The following DNAJC11 variants were observed in gnomAD, a reference collection of about 807,000 sequenced individuals.
DNAJC11 encodes DnaJ heat shock protein family (Hsp40) member C11, also known as dnaJ homolog subfamily C member 11.
Under a neutral mutation model 78.6 loss-of-function variants are expected in DNAJC11, and 15 were observed. The observed-to-expected ratio is 0.19, with a 90% CI of 0.13 to 0.29. The LOEUF (loss-of-function observed/expected upper bound fraction) is 0.29, where lower values mean the gene tolerates loss of function less well. Ranked by LOEUF, DNAJC11 falls within the 10% of genes least tolerant of loss-of-function variation. The pLI is 1.00. For missense variants in DNAJC11, 547 were observed against 709.6 expected (o/e 0.77, Z 2.60); for synonymous variants, 292 against 272.1 (o/e 1.07, Z -0.72).
Position 6,660,203 on chromosome 1 carries a change from C to T in DNAJC11, c.379-6164G>A, listed in dbSNP as rs1301774202. Among the ~76,000 whole-genome samples, 6 of 149,958 alleles carry T rather than the reference C, an allele frequency of 4.0e-5. No homozygotes were observed. The East Asian group carries it at 1.2e-3, about 30-fold the overall frequency. Reference sequence around the variant, plus strand: ...ACAGAATCTCACTCTGTTGCCCAGGCTGGAGTGCAGTGGCGAGATCTCAGC... The same window carrying T: ...ACAGAATCTCACTCTGTTGCCCAGGTTGGAGTGCAGTGGCGAGATCTCAGC... On this transcript the variant is annotated intron_variant, in intron 4 of 15. Coordinates refer to ENST00000377577, the MANE Select transcript of DNAJC11 (RefSeq NM_018198.4).
At chr1:6,637,787 G>C in intron 12 of DNAJC11, 2 of 536,950 alleles carry the variant, frequency 3.7e-6, no homozygotes, top group South Asian at 4.7e-5. Context: ...ATTAATGCGT[G>C]GGTGGGATTT....
At chr1:6,689,185 CAACA>C (rs1007405799) in intron 1 of DNAJC11, among the ~76,000 whole-genome samples, 3 of 152,156 alleles carry the variant, frequency 2.0e-5, no homozygotes, top group African/African-American at 2.4e-5. Flanking sequence ...CTGAAACAGA[CAACA>C]AACAAACAAA....
intron 7 of DNAJC11, among the ~76,000 whole-genome samples, chr1:6,647,992 C>T (rs372624429): frequency 6.8e-4 from 104 of 152,302 alleles, no homozygotes; most frequent in Non-Finnish European, 1.1e-3. Context: ...ACCCCAAACT[C>T]TTGGTGACCA....
At chr1:6,682,555 C>G (rs941761559) in intron 1 of DNAJC11, among the ~76,000 whole-genome samples, 2 of 152,154 alleles carry the variant, frequency 1.3e-5, no homozygotes, top group African/African-American at 4.8e-5. Flanking sequence ...CTCAGGCCAG[C>G]TTCATCTGAG....
chr1:6,637,799 T>G, intron 12 of DNAJC11: 1 of 519,306 alleles, frequency 1.9e-6, no homozygotes, highest in Non-Finnish European at 3.4e-6. Context: ...GTGGGATTTG[T>G]TGACCCAATA....
In DNAJC11 at chr1:6,635,028, T is replaced by A; in HGVS notation, c.*647A>T. 2.8e-6 allele frequency: 1 copy of A among 354,300 alleles called. No homozygotes were observed. The highest frequency in any genetic ancestry group is 4.7e-6 in the Non-Finnish European group (1 of 213,504). The allele number at this position is 354,300 out of a possible 1,614,324, so 21.9% of individuals were successfully genotyped here. On this transcript the variant is annotated 3_prime_UTR_variant, in exon 16 of 16. Transcript: ENST00000377577. ...TAGGCCCTGGGATCGGGAGTTACAC[T>A]ACCCTGTCCCAAGCCGAGGGGGCCG... is the stretch of plus-strand genomic sequence containing the variant.
chr1:6,700,561 T>A (rs1413635214), intron 1 of DNAJC11, among the ~76,000 whole-genome samples: 3 of 152,200 alleles, frequency 2.0e-5, no homozygotes, highest in Non-Finnish European at 4.4e-5. Flanking sequence ...AGTGTGACTT[T>A]AGACACACTA....
At chr1:6,685,463 C>T (rs887332864) in intron 1 of DNAJC11, among the ~76,000 whole-genome samples, 2 of 152,176 alleles carry the variant, frequency 1.3e-5, no homozygotes, top group Admixed American at 1.3e-4. Context: ...TCCTGACATA[C>T]CTAAATTTAA....
At position 6,651,546 on chromosome 1, in the gene DNAJC11, A is replaced by G; in HGVS notation, c.687T>C (p.Arg229=). 1 of 1,614,098 alleles carries G rather than the reference A, an allele frequency of 6.2e-7. No individual in the cohort carries two copies. Among genetic ancestry groups the G allele is most frequent in the Non-Finnish European group, 8.5e-7 (1 of 1,179,954 alleles). The part of the protein sequence containing the change: ...QGPLFGLKLF[R]NLTPRCFVTT... ...ATATTTACCATCTTGGTGTGAGATT[A>G]CGGAACAGCTTGAGACCGAACAAAG... The change falls in exon 7 of 16, where the codon CGT becomes CGC. Residue 229 remains arginine (R), a synonymous_variant. Coordinates refer to ENST00000377577, the MANE Select transcript of DNAJC11 (RefSeq NM_018198.4).
intron 1 of DNAJC11, among the ~76,000 whole-genome samples, chr1:6,681,516 A>G (rs1642552200): frequency 6.6e-6 from 1 of 152,246 alleles, no homozygotes; most frequent in East Asian, 1.9e-4. Flanking sequence ...GTGCACTCGA[A>G]TGCAACCTCT....
rs1264530986 is a variant in DNAJC11 at position 6,634,518 on chromosome 1, CAGCT to C, written c.*1153_*1156del. On this transcript the variant is annotated 3_prime_UTR_variant, in exon 16 of 16. Transcript: ENST00000377577. ...CGGCGCAGCTTGGGGCCCCCCGCGC[CAGCT>C]GTCTCAGCCACCACCTGTGCGGCGC... is the stretch of plus-strand genomic sequence containing the variant. 1 of 1,357,674 alleles carries C rather than the reference CAGCT, an allele frequency of 7.4e-7. No homozygotes were observed. Among genetic ancestry groups the C allele is most frequent in the South Asian group, 1.2e-5 (1 of 86,206 alleles). The allele number at this position is 1,357,674 out of a possible 1,614,324, so 84.1% of individuals were successfully genotyped here. A position where few individuals can be genotyped will look rare whatever the true frequency, so the allele number is the denominator to read the frequency against.
At chr1:6,658,953 T>A (rs1446595902) in intron 4 of DNAJC11, among the ~76,000 whole-genome samples, 3 of 152,228 alleles carry the variant, frequency 2.0e-5, no homozygotes, top group Non-Finnish European at 4.4e-5. Context: ...GCACTGGCTC[T>A]GCAAATAGTC....
chr1:6,645,657 G>T lies in DNAJC11; in HGVS notation c.894+132C>A. The T allele has an allele frequency of 9.8e-7, 1 of 1,022,900 alleles. No individual in the cohort carries two copies. Among genetic ancestry groups the T allele is most frequent in the Non-Finnish European group, 1.4e-6 (1 of 699,710 alleles). The allele number at this position is 1,022,900 out of a possible 1,614,324, so 63.4% of individuals were successfully genotyped here. A position where few individuals can be genotyped will look rare whatever the true frequency, so the allele number is the denominator to read the frequency against. On this transcript the variant is annotated intron_variant, in intron 8 of 15. Coordinates refer to ENST00000377577, the MANE Select transcript of DNAJC11 (RefSeq NM_018198.4). The surrounding 1 kb of genome is among the most constrained non-coding windows in gnomAD (Gnocchi z 4.1). Reference sequence around the variant, plus strand: ...ACTCGAGTGTGAGCACCGAGAGCCTGCCCCTCAGGGCCCTGTATGGGCTTA... The same window carrying T: ...ACTCGAGTGTGAGCACCGAGAGCCTTCCCCTCAGGGCCCTGTATGGGCTTA...
At chr1:6,685,905 CA>C (rs1245136802) in intron 1 of DNAJC11, among the ~76,000 whole-genome samples, 1 of 152,154 alleles carries the variant, frequency 6.6e-6, no homozygotes, top group East Asian at 1.9e-4. Context: ...GGTATAAATA[CA>C]AGAGTTTAAA....
intron 3 of DNAJC11, among the ~76,000 whole-genome samples, chr1:6,671,783 T>C (rs1642384558): frequency 6.6e-6 from 1 of 152,032 alleles, no homozygotes; most frequent in Non-Finnish European, 1.5e-5. Context: ...CTGCCTGTCT[T>C]GGCCTCCCAA....
In DNAJC11 at chr1:6,641,640, T is replaced by C. The variant is rs529918723; in HGVS notation, c.1098-1583A>G. ...TTGAGCTCCTGGGCTCAAGTGATCT[T>C]CCTGTCTTGGCCTCCCAAAGTGTGC... On this transcript the variant is annotated intron_variant, in intron 10 of 15. Transcript: ENST00000377577. Among the ~76,000 whole-genome samples, 3 of 151,998 alleles carry C rather than the reference T, an allele frequency of 2.0e-5. No individual in the cohort carries two copies. The East Asian group carries it at 5.8e-4, about 29-fold the overall frequency.
chr1:6,696,517 C>A (rs1642839140), intron 1 of DNAJC11, among the ~76,000 whole-genome samples: 2 of 152,180 alleles, frequency 1.3e-5, no homozygotes, highest in South Asian at 4.1e-4. Flanking sequence ...TTTCCATCTG[C>A]AGCTCAAACT....
chr1:6,683,508 T>C (rs1261039588), intron 1 of DNAJC11, among the ~76,000 whole-genome samples: 1 of 152,232 alleles, frequency 6.6e-6, no homozygotes, highest in African/African-American at 2.4e-5. Context: ...TTCTGTTTCA[T>C]CACCTGCAAA....
intron 1 of DNAJC11, among the ~76,000 whole-genome samples, chr1:6,690,681 T>C (rs1333986977): frequency 6.6e-6 from 1 of 152,116 alleles, no homozygotes; most frequent in Non-Finnish European, 1.5e-5. Context: ...TCCCAGCACT[T>C]TGGGAGGCTG....
Sources: gnomAD v4.1 joint callset for allele counts (sites outside exome capture counted in the v4.1 genomes callset) on GRCh38, gnomAD v4.1.1 for gene constraint, Gnocchi (gnomAD v3.1) non-coding constraint, MANE v1.5 for transcripts, NCBI Gene and HGNC (gene_info 2026-07-23, HGNC 2026-07-21) for gene names.